CFAP65: variants seen among roughly 807,000 people sequenced by gnomAD.
The protein encoded by CFAP65 is cilia- and flagella-associated protein 65.
CFAP65 carries 155 observed loss-of-function variants against 208.0 expected under a neutral mutation model. The ratio of observed to expected loss-of-function variants is 0.75; its 90% CI spans 0.65 to 0.85. The LOEUF (loss-of-function observed/expected upper bound fraction) is 0.85. Among genes scored for constraint, CFAP65 ranks in the 40% least tolerant of loss-of-function variants. The probability of loss-of-function intolerance (pLI) is 0.00; values close to 1 mark genes in which losing one functional copy is unlikely to be tolerated. For missense variants in CFAP65, 2,294 were observed against 2,451.3 expected, an observed-to-expected ratio of 0.94 and a Z score of 1.36; for synonymous variants, 970 against 986.3, an observed-to-expected ratio of 0.98 and a Z score of 0.31.
In CFAP65 at chr2:219,038,976, A is replaced by G; in HGVS notation, c.73T>C (p.Ser25Pro). The change falls in exon 3 of 35, where the codon TCT (serine) becomes CCT (proline). Residue 25 changes from serine (S) to proline (P), a missense_variant. Coordinates refer to ENST00000341552, the MANE Select transcript of CFAP65 (RefSeq NM_194302.4). ...KVENPSVSFA[S>P]SFPLIPLLLR... ...AGAAGAGGAATAAGGGGGAAAGAAG[A>G]GGCAAATGAGACTGATGGATTCTCC... 1 of 1,614,004 alleles carries G rather than the reference A, an allele frequency of 6.2e-7. No individual in the cohort carries two copies. The highest frequency in any genetic ancestry group is 1.1e-5 in the South Asian group (1 of 91,058).
chr2:219,017,501 C>G (rs985818205), intron 21 of CFAP65, among the ~76,000 whole-genome samples: 29 of 152,244 alleles, frequency 1.9e-4, no homozygotes, highest in Admixed American at 7.9e-4. Context: ...TCAAAAATAG[C>G]CTTCTAAGAA....
chr2:219,018,590 C>T (rs955806678), intron 21 of CFAP65: 3 of 172,348 alleles, frequency 1.7e-5, no homozygotes, highest in East Asian at 3.2e-4. Flanking sequence ...CTGGACTGGA[C>T]AAATTCAGCT....
rs1946426600 is a variant in CFAP65 at position 219,010,852 on chromosome 2, C to A, written c.4102G>T (p.Ala1368Ser). Residue 1368 changes from alanine to serine, a missense_variant, in exon 25 of 35, where the codon GCC becomes TCC. Physicochemically the swap from Ala to Ser is moderately conservative, Grantham distance 99. Around this residue, in one of 2 missense-constraint regions of CFAP65, gnomAD observed 1,427 missense variants for 1,438.7 expected, o/e 0.99. Transcript: ENST00000341552. The part of the protein sequence containing the change: ...PKGEIQPGST[A>S]RVLWIFSPIE... ...GGTGAGAAGATCCACAAGACCCGGG[C>A]AGTGCTGCCTGGCTGGATCTCCCCT... is the stretch of plus-strand genomic sequence containing the variant. 2 of 1,613,308 alleles carry A rather than the reference C, an allele frequency of 1.2e-6. No homozygotes were observed. The highest frequency in any genetic ancestry group is 8.5e-7 in the Non-Finnish European group (1 of 1,179,676).
At chr2:219,034,307 C>G (rs963463420) in intron 5 of CFAP65, 1 of 152,138 alleles carries the variant, frequency 6.6e-6, no homozygotes, top group South Asian at 2.1e-4. Context: ...ATAGCCAAGA[C>G]AATCTTGAAG....
intron 21 of CFAP65, 175 bp downstream of exon 21, chr2:219,018,876 A>G: frequency 1.3e-6 from 1 of 786,952 alleles, no homozygotes; most frequent in Non-Finnish European, 2.1e-6. Context: ...ACAGGCCCGG[A>G]GTCCTGCTGG....
chr2:219,027,856 G>A lies in CFAP65; in HGVS notation c.2005C>T (p.Pro669Ser), dbSNP rs1318398737. The A allele has an allele frequency of 1.3e-6, 2 of 1,582,184 alleles. No individual in the cohort carries two copies. Among genetic ancestry groups the A allele is most frequent in the East Asian group, 2.2e-5 (1 of 44,508 alleles). Reference sequence around the variant, plus strand: ...ATCAGGCACAGGGGTACAGGGTTGGGGGCCTCAGGCCCTGGGCAGGCACCG... The same window carrying A: ...ATCAGGCACAGGGGTACAGGGTTGGAGGCCTCAGGCCCTGGGCAGGCACCG... ...DFGACPGPEA[P>S]NPVPLCLMNH... The change falls in exon 13 of 35, where the codon CCC (proline) becomes TCC (serine). Residue 669 changes from proline to serine, a missense_variant. This residue lies in a region of CFAP65 where 867 missense variants were observed against 1,012.6 expected (regional missense o/e 0.86). Transcript: ENST00000341552.
chr2:219,031,591 G>T lies in CFAP65; in HGVS notation c.713C>A (p.Thr238Asn). 6.2e-7 allele frequency: 1 copy of T among 1,614,208 alleles called. No homozygotes were observed. The highest frequency in any genetic ancestry group is 8.5e-7 in the Non-Finnish European group (1 of 1,180,038). The change falls in exon 7 of 35, where the codon ACC (threonine) becomes AAC (asparagine). Residue 238 changes from threonine (T) to asparagine (N), a missense_variant. This residue lies in a region of CFAP65 where 867 missense variants were observed against 1,012.6 expected (regional missense o/e 0.86). Coordinates refer to ENST00000341552, the MANE Select transcript of CFAP65 (RefSeq NM_194302.4). This position sits in a 1 kb window ranked among gnomAD's most constrained non-coding sequence, Gnocchi z 5.2. ...GCAGATCAGCCTGTGGCAGGGCAGG[G>T]TGGCCCGTAGGCCGACACAGAACAT... ...EGMFCVGLRA[T>N]LPCHRLICRP...
At position 219,027,704 on chromosome 2, in the gene CFAP65, C is replaced by A. The variant is rs140322077; in HGVS notation, c.2157G>T (p.Pro719=). Residue 719 remains proline, a synonymous_variant, in exon 13 of 35, where the codon CCG becomes CCT. Transcript: ENST00000341552. ...CCGTGTAAAGGCAGTTGGGGTGAGGCGGCTGGAAGTGCAGGCGCATGGCCA... is the reference window on the plus strand; with the variant it reads ...CCGTGTAAAGGCAGTTGGGGTGAGGAGGCTGGAAGTGCAGGCGCATGGCCA... The part of the protein sequence containing the change: ...KSMAMRLHFQ[P]PHPNCLYTVE... The A allele has an allele frequency of 6.2e-7, 1 of 1,614,046 alleles. No homozygotes were observed. Among genetic ancestry groups the A allele is most frequent in the East Asian group, 2.2e-5 (1 of 44,876 alleles).
At chr2:219,035,422 A>G in intron 5 of CFAP65, 58 bp downstream of exon 5, 1 of 1,613,974 alleles carries the variant, frequency 6.2e-7, no homozygotes, top group Non-Finnish European at 8.5e-7. Flanking sequence ...TTTTGAAGAG[A>G]GCCTGCTTTC....
rs761796390 is a variant in CFAP65 at position 219,023,202 on chromosome 2, C to G, written c.2820+5G>C. 2.2e-5 allele frequency: 36 copies of G among 1,610,196 alleles called. No individual in the cohort carries two copies. Among genetic ancestry groups the G allele is most frequent in the Non-Finnish European group, 2.7e-5 (32 of 1,179,132 alleles). ...CCGTCACTCGGCAGGAGGGGAGCCACTCACAAGTCTCTCGTTGGGCTGGAT... is the reference window on the plus strand; with the variant it reads ...CCGTCACTCGGCAGGAGGGGAGCCAGTCACAAGTCTCTCGTTGGGCTGGAT... On this transcript the variant is annotated splice_donor_5th_base_variant and intron_variant, in intron 16 of 34. Transcript: ENST00000341552.
In CFAP65 at chr2:219,031,049, A is replaced by G; in HGVS notation, c.1015+57T>C. On this transcript the variant is annotated intron_variant, in intron 8 of 34. Transcript: ENST00000341552. The surrounding 1 kb of genome is among the most constrained non-coding windows in gnomAD (Gnocchi z 5.2). ...GGAGGTGGGGGACACTGAGGCCTGG[A>G]GGACCCAGAAGGTGCAGGAGGGGCC... The G allele has an allele frequency of 6.6e-7, 1 of 1,526,626 alleles. No homozygotes were observed. The highest frequency in any genetic ancestry group is 1.2e-5 in the South Asian group (1 of 83,092). The allele number at this position is 1,526,626 out of a possible 1,614,324, so 94.6% of individuals were successfully genotyped here.
At position 219,039,038 on chromosome 2, in the gene CFAP65, A is replaced by G. The variant is rs746929971; in HGVS notation, c.11T>C (p.Leu4Ser). 1 of 1,605,412 alleles carries G rather than the reference A, an allele frequency of 6.2e-7. No individual in the cohort carries two copies. Among genetic ancestry groups the G allele is most frequent in the South Asian group, 1.1e-5 (1 of 89,662 alleles). The change falls in exon 3 of 35, where the codon TTA becomes TCA. Residue 4 changes from leucine to serine, a missense_variant. This residue lies in a region of CFAP65 where 867 missense variants were observed against 1,012.6 expected (regional missense o/e 0.86). Coordinates refer to ENST00000341552, the MANE Select transcript of CFAP65 (RefSeq NM_194302.4). ...TTTCTCCACCAGTCTACAACCGGTT[A>G]AGGTAAACATCACTGAAATAAATCA... MFTLTGCRLVEKTQ... is the reference protein window; with the variant it reads MFTSTGCRLVEKTQ...
intron 16 of CFAP65, 68 bp from the exon 17 acceptor site, chr2:219,022,397 G>A (rs752944858): frequency 7.8e-6 from 12 of 1,532,950 alleles, no homozygotes; most frequent in Non-Finnish European, 1.1e-5. Context: ...GGCCATCCGA[G>A]GCCCCATGGC....
rs1195400713 is a variant in CFAP65, at chr2:219,009,160, G to A, written c.4567-6C>T. 1.9e-6 allele frequency: 3 copies of A among 1,610,832 alleles called. No homozygotes were observed. The highest frequency in any genetic ancestry group is 2.5e-6 in the Non-Finnish European group (3 of 1,178,426). ...ATGAGCTGCTGCGAGTACAGCTATG[G>A]CCCAGGACAGAGAGAGAGAAGGCCA... On this transcript the variant is annotated splice_polypyrimidine_tract_variant and splice_region_variant and intron_variant, in intron 28 of 34. Coordinates refer to ENST00000341552, the MANE Select transcript of CFAP65 (RefSeq NM_194302.4).
chr2:219,009,154 G>A lies in CFAP65; in HGVS notation c.4567C>T (p.Leu1523=), dbSNP rs115550782. ...TGCCTCATGAGCTGCTGCGAGTACA[G>A]CTATGGCCCAGGACAGAGAGAGAGA... ...SFYSADLVCK[L]YSQQLMRQYH... Residue 1523 remains leucine (L), a splice_region_variant and synonymous_variant, in exon 29 of 35, where the codon CTG becomes TTG. Coordinates refer to ENST00000341552, the MANE Select transcript of CFAP65 (RefSeq NM_194302.4). 6.2e-4 allele frequency: 998 copies of A among 1,612,160 alleles called. 3 individuals are homozygous for A. In the African/African-American group the frequency reaches 9.8e-3, roughly 16 times the overall value.
At position 219,004,567 on chromosome 2, in the gene CFAP65, G is replaced by A; in HGVS notation, c.5052-112C>T. On this transcript the variant is annotated intron_variant, in intron 32 of 34. Transcript: ENST00000341552. The surrounding 1 kb of genome is among the most constrained non-coding windows in gnomAD (Gnocchi z 4.7). ...GGAAAGGGGCTGCTAGGTGGGGAGA[G>A]GGGAGCCCTTGGTCAGTTGTTCCTC... 8.4e-7 allele frequency: 1 copy of A among 1,187,336 alleles called. No individual in the cohort carries two copies. Among genetic ancestry groups the A allele is most frequent in the Non-Finnish European group, 1.2e-6 (1 of 847,504 alleles). 73.6% of individuals were successfully genotyped at this position (1,187,336 alleles called of 1,614,324 possible).
chr2:219,012,167 G>C (rs1474150142), intron 24 of CFAP65, among the ~76,000 whole-genome samples: 1 of 152,228 alleles, frequency 6.6e-6, no homozygotes, highest in Non-Finnish European at 1.5e-5. Context: ...TAATAAATTT[G>C]TGGTCTTTAT....
At chr2:219,009,598 G>A (rs531352736) in intron 27 of CFAP65, 138 bp from the exon 28 acceptor site, 2 of 601,154 alleles carry the variant, frequency 3.3e-6, no homozygotes, top group Non-Finnish European at 6.2e-6. Context: ...GGACAAGATG[G>A]GATGGGATGG....
chr2:219,035,443 G>C, intron 5 of CFAP65, 37 bp downstream of exon 5: 1 of 1,614,088 alleles, frequency 6.2e-7, no homozygotes, highest in Non-Finnish European at 8.5e-7. Flanking sequence ...GGGGCTCAAG[G>C]CTGTGGCACT....
Sources: allele counts gnomAD v4.1 joint callset (sites outside exome capture counted in the v4.1 genomes callset), GRCh38; gene constraint gnomAD v4.1.1; regional missense constraint gnomAD v4.1.1; non-coding constraint Gnocchi (gnomAD v3.1); transcripts MANE v1.5; gene names NCBI Gene and HGNC (gene_info 2026-07-23, HGNC 2026-07-21).